WWC2: variants seen among roughly 807,000 people sequenced by gnomAD.
The protein encoded by WWC2 is protein WWC2.
A neutral mutation model predicts 138.5 loss-of-function variants in WWC2; 101 were observed. The ratio of observed to expected loss-of-function variants is 0.73; its 90% CI spans 0.62 to 0.86. The LOEUF (loss-of-function observed/expected upper bound fraction) is 0.86. Ranked by LOEUF, WWC2 falls within the 40% of genes least tolerant of loss-of-function variation. WWC2 has a pLI of 0.00. For missense variants in WWC2, 1,420 were observed against 1,419.4 expected (o/e 1.00, Z -0.01); for synonymous variants, 558 against 538.4 (o/e 1.04, Z -0.50).
chr4:183,161,110 A>AC (rs2111139865), intron 1 of WWC2, among the ~76,000 whole-genome samples: 1 of 152,084 alleles, frequency 6.6e-6, no homozygotes, highest in South Asian at 2.1e-4. Flanking sequence ...GGGTTACAGT[A>AC]CCATTGCTCC....
intron 16 of WWC2, among the ~76,000 whole-genome samples, chr4:183,274,070 C>T (rs926299516): frequency 6.6e-6 from 1 of 152,182 alleles, no homozygotes; most frequent in East Asian, 1.9e-4. Flanking sequence ...CAATCCTGTT[C>T]ATTAATCCAC....
chr4:183,116,229 A>G (rs1350437660), intron 1 of WWC2, among the ~76,000 whole-genome samples: 1 of 152,182 alleles, frequency 6.6e-6, no homozygotes, highest in Non-Finnish European at 1.5e-5. Context: ...ACTGGAACAT[A>G]TCTTATACTT....
At chr4:183,142,619 G>A (rs894685605) in intron 1 of WWC2, among the ~76,000 whole-genome samples, 2 of 152,146 alleles carry the variant, frequency 1.3e-5, no homozygotes, top group Non-Finnish European at 2.9e-5. Context: ...GAATATATTT[G>A]TGCCTATTTT....
Position 183,319,921 on chromosome 4 carries a change from A to G in WWC2, c.*4192A>G, listed in dbSNP as rs1371095820. The stretch of plus-strand genomic sequence containing the variant: ...CCAATTCTCAAACAGTCCAGGCCAA[A>G]CCCAGAGACCAGCAGGCCCAGAAAT... On this transcript the variant is annotated 3_prime_UTR_variant, in exon 23 of 23. Coordinates refer to ENST00000403733, the MANE Select transcript of WWC2 (RefSeq NM_024949.6). The G allele has an allele frequency of 6.2e-7, 1 of 1,613,696 alleles. No homozygotes were observed. The highest frequency in any genetic ancestry group is 2.2e-5 in the East Asian group (1 of 44,868).
rs944982285 is a variant in WWC2 at position 183,099,268 on chromosome 4, C to T, written c.-224C>T. The T allele has an allele frequency of 3.9e-6, 1 of 253,896 alleles. No individual in the cohort carries two copies. Among genetic ancestry groups the T allele is most frequent in the Admixed American group, 5.8e-5 (1 of 17,342 alleles). 15.7% of individuals were successfully genotyped at this position (253,896 alleles called of 1,614,324 possible). A position where few individuals can be genotyped will look rare whatever the true frequency, so the allele number is the denominator to read the frequency against. ...GGCGAGGGGGAGGAGGGTTCGCTCG[C>T]CGGCTCCGACGCAGACATGGTGGAC... On this transcript the variant is annotated 5_prime_UTR_variant, in exon 1 of 23. Transcript: ENST00000403733.
chr4:183,101,921 G>T (rs760487520), intron 1 of WWC2, among the ~76,000 whole-genome samples: 20 of 152,300 alleles, frequency 1.3e-4, no homozygotes, highest in East Asian at 3.9e-4. Flanking sequence ...TTAAGGAAAA[G>T]AATTTTGTGT....
chr4:183,312,573 A>G (rs1739293650), intron 22 of WWC2, 105 bp downstream of exon 22: 6 of 1,510,204 alleles, frequency 4.0e-6, no homozygotes, highest in Non-Finnish European at 5.4e-6. Flanking sequence ...TCCGAGACAG[A>G]AGTCCTCTGT....
chr4:183,111,948 G>A (rs993374928), intron 1 of WWC2, among the ~76,000 whole-genome samples: 11 of 152,050 alleles, frequency 7.2e-5, no homozygotes, highest in African/African-American at 1.9e-4. Flanking sequence ...TTCTCCCATC[G>A]TGGCCTCCCA....
At chr4:183,172,206 A>T (rs148069079) in intron 1 of WWC2, among the ~76,000 whole-genome samples, 1 of 152,128 alleles carries the variant, frequency 6.6e-6, no homozygotes, top group South Asian at 2.1e-4. Context: ...GTCCTGGTTA[A>T]TCATTGTAAC....
intron 1 of WWC2, among the ~76,000 whole-genome samples, chr4:183,117,790 CTTT>C (rs758829778): frequency 3.7e-5 from 5 of 135,682 alleles, no homozygotes; most frequent in Non-Finnish European, 1.6e-5. Context: ...GATTGGGGAT[CTTT>C]TTTTTTTTTT....
intron 4 of WWC2, among the ~76,000 whole-genome samples, chr4:183,218,198 G>A (rs1735810754): frequency 6.6e-6 from 1 of 152,090 alleles, no homozygotes; most frequent in Admixed American, 6.5e-5. Context: ...TATAAAAATG[G>A]GCAAGAGACT....
rs74561617 is a variant in WWC2, at chr4:183,252,452, T to C, written c.954-1305T>C. Among the ~76,000 whole-genome samples the C allele has an allele frequency of 8.3e-3, 1,262 of 152,346 alleles. 21 individuals are homozygous for C. Among genetic ancestry groups the C allele is most frequent in the African/African-American group, 0.029 (1,209 of 41,578 alleles). ...TATTTGACTCAGGTGGTTAGGACATTCGTACTGAGTCGGGGGTAATGTTAA... is the reference window on the plus strand; with the variant it reads ...TATTTGACTCAGGTGGTTAGGACATCCGTACTGAGTCGGGGGTAATGTTAA... On this transcript the variant is annotated intron_variant, in intron 8 of 22. Transcript: ENST00000403733.
intron 21 of WWC2, among the ~76,000 whole-genome samples, chr4:183,297,949 A>G (rs1738693412): frequency 6.6e-6 from 1 of 152,254 alleles, no homozygotes; most frequent in Non-Finnish European, 1.5e-5. Flanking sequence ...TGGCTTCAAC[A>G]GAAAGGCCAT....
intron 1 of WWC2, among the ~76,000 whole-genome samples, chr4:183,176,307 T>TTTCTCTTGGTTTTC (rs1290438482): frequency 6.6e-6 from 1 of 152,198 alleles, no homozygotes; most frequent in Non-Finnish European, 1.5e-5. Context: ...TTAGGAACGT[T>TTTCTCTTGGTTTTC]TCTTAGTTTT....
chr4:183,297,772 A>G (rs1202106924), intron 21 of WWC2, among the ~76,000 whole-genome samples: 1 of 152,220 alleles, frequency 6.6e-6, no homozygotes, highest in Non-Finnish European at 1.5e-5. Context: ...AGCTGAAGAG[A>G]GACAAGGGAG....
At chr4:183,232,791 G>A (rs2111292091) in intron 4 of WWC2, among the ~76,000 whole-genome samples, 1 of 152,170 alleles carries the variant, frequency 6.6e-6, no homozygotes, top group African/African-American at 2.4e-5. Context: ...GGGATTACAG[G>A]CGCATGCCAC....
intron 1 of WWC2, among the ~76,000 whole-genome samples, chr4:183,157,076 A>G (rs62336604): frequency 0.063 from 9,631 of 152,220 alleles, 413 homozygotes; most frequent in Non-Finnish European, 0.093. Flanking sequence ...ATTGTCCCCT[A>G]CTGTCCTTTA....
At position 183,253,792 on chromosome 4, in the gene WWC2, A is replaced by G. The variant is rs139563857; in HGVS notation, c.989A>G (p.Asp330Gly). 22 of 1,613,078 alleles carry G rather than the reference A, an allele frequency of 1.4e-5. No homozygotes were observed. The African/African-American group carries it at 2.5e-4, about 19-fold the overall frequency. ...TTAAAAATTGAACTGTCAAAATTGGACAGTGAGGCCTGGCCTGGGGCACTG... is the reference window on the plus strand; with the variant it reads ...TTAAAAATTGAACTGTCAAAATTGGGCAGTGAGGCCTGGCCTGGGGCACTG... ...ANLKIELSKL[D>G]SEAWPGALDI... Residue 330 changes from aspartate to glycine, a missense_variant, in exon 9 of 23, where the codon GAC (aspartate) becomes GGC (glycine). Asp to Gly is a moderately conservative substitution (Grantham distance 94, BLOSUM62 -1). Transcript: ENST00000403733.
chr4:183,205,530 G>A (rs574362358), intron 2 of WWC2, among the ~76,000 whole-genome samples: 17 of 152,278 alleles, frequency 1.1e-4, no homozygotes, highest in East Asian at 5.8e-4. Flanking sequence ...TAACATTATA[G>A]TGGATGCTAG....
Sources: allele counts gnomAD v4.1 joint callset (sites outside exome capture counted in the v4.1 genomes callset), GRCh38; gene constraint gnomAD v4.1.1; transcripts MANE v1.5; gene names NCBI Gene and HGNC (gene_info 2026-07-23, HGNC 2026-07-21).